C7orf78: variants seen among roughly 807,000 people sequenced by gnomAD.
C7orf78 encodes chromosome 7 open reading frame 78.
the C7orf78 span, among the ~76,000 whole-genome samples, chr7:12,521,390 AT>A: frequency 6.6e-6 from 1 of 150,794 alleles, no homozygotes; most frequent in African/African-American, 2.4e-5. Context: ...ATCTACTGTC[AT>A]TTTTTTCTTT....
chr7:12,506,627 G>A, the C7orf78 span, among the ~76,000 whole-genome samples: 10 of 152,106 alleles, frequency 6.6e-5, no homozygotes, highest in South Asian at 1.5e-3. Context: ...AACATCACAC[G>A]CTGGGGCCTG....
chr7:12,497,409 T>C, the C7orf78 span, among the ~76,000 whole-genome samples: 17 of 152,306 alleles, frequency 1.1e-4, no homozygotes, highest in Admixed American at 2.6e-4. Context: ...ATTGCCTCAC[T>C]CGGGAAGCGC....
At chr7:12,493,228 T>C in the C7orf78 span, among the ~76,000 whole-genome samples, 3 of 152,160 alleles carry the variant, frequency 2.0e-5, no homozygotes, top group South Asian at 4.1e-4. Context: ...AAAATCCTTA[T>C]TGGCTTTTGA....
the C7orf78 span, among the ~76,000 whole-genome samples, chr7:12,526,965 A>G: frequency 2.0e-5 from 3 of 151,326 alleles, no homozygotes; most frequent in Non-Finnish European, 3.0e-5. Flanking sequence ...GCTATGTGTC[A>G]CTCACTTTGG....
chr7:12,503,602 T>C, the C7orf78 span, among the ~76,000 whole-genome samples: 66 of 151,318 alleles, frequency 4.4e-4, no homozygotes, highest in Non-Finnish European at 1.6e-4. Flanking sequence ...TATTTGAAGT[T>C]TTCTTTCTTT....
At chr7:12,525,949 T>C in the C7orf78 span, 1 of 395,582 alleles carries the variant, frequency 2.5e-6, no homozygotes, top group South Asian at 1.3e-4. Flanking sequence ...AAACTCTGCA[T>C]TCCATATTAG....
At chr7:12,511,409 A>G in the C7orf78 span, among the ~76,000 whole-genome samples, 1 of 152,198 alleles carries the variant, frequency 6.6e-6, no homozygotes, top group Non-Finnish European at 1.5e-5. Context: ...ATTTCTGTGA[A>G]AAATGTCATT....
At chr7:12,508,305 T>C in the C7orf78 span, among the ~76,000 whole-genome samples, 2 of 152,296 alleles carry the variant, frequency 1.3e-5, no homozygotes, top group South Asian at 4.1e-4. Context: ...AACTGAAAAC[T>C]AAATATGCTT....
the C7orf78 span, among the ~76,000 whole-genome samples, chr7:12,517,857 T>C: frequency 6.6e-6 from 1 of 152,176 alleles, no homozygotes; most frequent in African/African-American, 2.4e-5. Context: ...AAAATCAGTA[T>C]TTTGAATTCT....
At chr7:12,525,594 A>G in the C7orf78 span, among the ~76,000 whole-genome samples, 1 of 152,092 alleles carries the variant, frequency 6.6e-6, no homozygotes. Flanking sequence ...TAATTGAAGT[A>G]CTCCTCTCTA....
the C7orf78 span, among the ~76,000 whole-genome samples, chr7:12,531,621 G>C: frequency 6.6e-6 from 1 of 151,998 alleles, no homozygotes; most frequent in Non-Finnish European, 1.5e-5. Flanking sequence ...TATAGATATG[G>C]CCTTGCATGA....
At chr7:12,530,258 G>A in the C7orf78 span, 4 of 152,150 alleles carry the variant, frequency 2.6e-5, no homozygotes, top group Admixed American at 2.6e-4. Flanking sequence ...AGAGACAATA[G>A]ATGTGGAGGT....
the C7orf78 span, among the ~76,000 whole-genome samples, chr7:12,533,310 C>A: frequency 6.6e-6 from 1 of 151,964 alleles, no homozygotes; most frequent in Admixed American, 6.6e-5. Flanking sequence ...AAATGATTCT[C>A]CTGCCTCAGC....
the C7orf78 span, among the ~76,000 whole-genome samples, chr7:12,506,242 C>G: frequency 6.6e-6 from 1 of 152,118 alleles, no homozygotes; most frequent in African/African-American, 2.4e-5. Context: ...GGCGATTCCT[C>G]AAGGATCTAG....
At chr7:12,503,529 T>C in the C7orf78 span, among the ~76,000 whole-genome samples, 1 of 152,074 alleles carries the variant, frequency 6.6e-6, no homozygotes, top group African/African-American at 2.4e-5. Flanking sequence ...CCATAAAAGG[T>C]AATTTTTTAA....
At chr7:12,520,299 C>G in the C7orf78 span, among the ~76,000 whole-genome samples, 1 of 152,290 alleles carries the variant, frequency 6.6e-6, no homozygotes, top group East Asian at 1.9e-4. Context: ...AGGCAAGTGC[C>G]CGATGCCTCT....
chr7:12,484,399 A>G, the C7orf78 span, among the ~76,000 whole-genome samples: 47 of 152,304 alleles, frequency 3.1e-4, no homozygotes, highest in East Asian at 8.5e-3. Flanking sequence ...AAATTTACAT[A>G]AGTTACCTAA....
chr7:12,493,634 A>G, the C7orf78 span, among the ~76,000 whole-genome samples: 4 of 152,262 alleles, frequency 2.6e-5, no homozygotes, highest in African/African-American at 9.6e-5. Flanking sequence ...ACCTGGCCTC[A>G]GGCCAAACTG....
At chr7:12,498,070 A>G in the C7orf78 span, among the ~76,000 whole-genome samples, 1 of 151,830 alleles carries the variant, frequency 6.6e-6, no homozygotes, top group Non-Finnish European at 1.5e-5. Context: ...CATCCACACC[A>G]AAAACCCATC....
Sources: gnomAD v4.1 joint callset for allele counts (sites outside exome capture counted in the v4.1 genomes callset) on GRCh38, gnomAD v4.1.1 for gene constraint, MANE v1.5 for transcripts, NCBI Gene and HGNC (gene_info 2026-07-23, HGNC 2026-07-21) for gene names.